SH3RF3: variants seen among roughly 807,000 people sequenced by gnomAD.
SH3RF3 encodes the protein SH3 domain containing ring finger 3, also known as E3 ubiquitin-protein ligase SH3RF3.
A neutral mutation model predicts 66.3 loss-of-function variants in SH3RF3; 29 were observed. That is an observed-to-expected ratio of 0.44 (90% CI 0.33 to 0.60). The LOEUF (loss-of-function observed/expected upper bound fraction) is 0.60, where lower values mean the gene tolerates loss of function less well. Ranked by LOEUF, SH3RF3 falls within the 20% of genes least tolerant of loss-of-function variation. The pLI is 0.04. For synonymous variants in SH3RF3, 583 were observed against 532.0 expected (o/e 1.10, Z -1.32); for missense variants, 1,194 against 1,190.9 (o/e 1.00, Z -0.04).
At chr2:109,227,011 A>G (rs999819263) in intron 1 of SH3RF3, among the ~76,000 whole-genome samples, 2 of 152,114 alleles carry the variant, frequency 1.3e-5, no homozygotes, top group Non-Finnish European at 2.9e-5. Context: ...GGTCCCACCA[A>G]GCTTTTCCAT....
At chr2:109,277,925 A>G (rs13402711) in intron 1 of SH3RF3, among the ~76,000 whole-genome samples, 6,104 of 151,926 alleles carry the variant, frequency 0.04, 409 homozygotes, top group African/African-American at 0.14. Context: ...CTATAATCCC[A>G]ACATTTTGGG....
At chr2:109,460,096 A>G (rs1678172292) in intron 8 of SH3RF3, among the ~76,000 whole-genome samples, 1 of 152,224 alleles carries the variant, frequency 6.6e-6, no homozygotes, top group East Asian at 1.9e-4. Context: ...AGTGAGTTCC[A>G]TGCACACGAG....
chr2:109,449,430 C>A lies in SH3RF3; in HGVS notation c.2089C>A (p.Leu697Met). The change falls in exon 8 of 10, where the codon CTG becomes ATG. Residue 697 changes from leucine to methionine, a missense_variant. Coordinates refer to ENST00000309415, the MANE Select transcript of SH3RF3 (RefSeq NM_001099289.3). ...GEAGGGPIGV[L>M]STSSPTNTGC... is the part of the protein sequence containing the mutation. ...GGCTGGAGGGGGGCCCATCGGTGTT[C>A]TGTCCACATCCAGCCCCACCAACAC... 4 of 1,614,004 alleles carry A rather than the reference C, an allele frequency of 2.5e-6. No individual in the cohort carries two copies. Among genetic ancestry groups the A allele is most frequent in the Non-Finnish European group, 3.4e-6 (4 of 1,179,870 alleles).
At chr2:109,220,062 G>A (rs1679196047) in intron 1 of SH3RF3, among the ~76,000 whole-genome samples, 1 of 152,172 alleles carries the variant, frequency 6.6e-6, no homozygotes. Context: ...TATGTTATTA[G>A]CATAAGGGAT....
chr2:109,254,609 C>T (rs1680175389), intron 1 of SH3RF3, among the ~76,000 whole-genome samples: 1 of 152,174 alleles, frequency 6.6e-6, no homozygotes, highest in African/African-American at 2.4e-5. Flanking sequence ...TCCCATGACC[C>T]CGTGAGAAGG....
chr2:109,295,704 A>G (rs1344383574), intron 1 of SH3RF3, among the ~76,000 whole-genome samples: 1 of 152,086 alleles, frequency 6.6e-6, no homozygotes, highest in East Asian at 1.9e-4. Flanking sequence ...TGGGGACATG[A>G]AGATCAGGGA....
intron 1 of SH3RF3, among the ~76,000 whole-genome samples, chr2:109,132,705 G>A (rs1026739483): frequency 1.3e-5 from 2 of 152,182 alleles, no homozygotes; most frequent in Non-Finnish European, 2.9e-5. Flanking sequence ...TGTTTTAATG[G>A]TACTGTCTAA....
rs1426200204 is a variant in SH3RF3, at chr2:109,503,880, A to G, written c.*2209A>G. ...GGCGAGGACACAGCCCACTGCATGCAGCATGGTAGAGAGCTGGGGCGAATA... is the reference window on the plus strand; with the variant it reads ...GGCGAGGACACAGCCCACTGCATGCGGCATGGTAGAGAGCTGGGGCGAATA... On this transcript the variant is annotated 3_prime_UTR_variant, in exon 10 of 10. Coordinates refer to ENST00000309415, the MANE Select transcript of SH3RF3 (RefSeq NM_001099289.3). 6.6e-6 allele frequency: 1 copy of G among 152,232 alleles called. No individual in the cohort carries two copies. The highest frequency in any genetic ancestry group is 1.5e-5 in the Non-Finnish European group (1 of 68,040). 9.4% of individuals were successfully genotyped at this position (152,232 alleles called of 1,614,324 possible).
At chr2:109,337,946 G>C (rs1472788247) in intron 1 of SH3RF3, among the ~76,000 whole-genome samples, 1 of 151,842 alleles carries the variant, frequency 6.6e-6, no homozygotes, top group African/African-American at 2.4e-5. Context: ...TACCCCGGCT[G>C]GTCTGGAACT....
intron 1 of SH3RF3, among the ~76,000 whole-genome samples, chr2:109,254,951 A>G (rs1192078663): frequency 3.3e-5 from 5 of 152,186 alleles, no homozygotes; most frequent in Admixed American, 2.0e-4. Flanking sequence ...CTGGAAGGAT[A>G]TTGAACACCT....
Position 109,129,379 on chromosome 2 carries a change from C to G in SH3RF3, c.-162C>G. On this transcript the variant is annotated 5_prime_UTR_variant, in exon 1 of 10. Coordinates refer to ENST00000309415, the MANE Select transcript of SH3RF3 (RefSeq NM_001099289.3). ...CCCGCCACGCAGGCCGGTCGGTGAG[C>G]CACTTCGCACCGCCACAGCCCTAGC... 4.3e-6 allele frequency: 5 copies of G among 1,163,698 alleles called. No individual in the cohort carries two copies. The highest frequency in any genetic ancestry group is 6.0e-6 in the Non-Finnish European group (5 of 830,160). 72.1% of individuals were successfully genotyped at this position (1,163,698 alleles called of 1,614,324 possible).
chr2:109,134,827 G>C (rs1248162449), intron 1 of SH3RF3, among the ~76,000 whole-genome samples: 2 of 152,190 alleles, frequency 1.3e-5, no homozygotes, highest in Non-Finnish European at 2.9e-5. Flanking sequence ...ATGCAAGGCT[G>C]CTGTCTTGTA....
intron 8 of SH3RF3, among the ~76,000 whole-genome samples, chr2:109,463,449 C>T (rs1678259874): frequency 6.6e-6 from 1 of 152,208 alleles, no homozygotes; most frequent in African/African-American, 2.4e-5. Context: ...AAGGTCCGGC[C>T]TGTGGAGAAG....
intron 1 of SH3RF3, among the ~76,000 whole-genome samples, chr2:109,172,818 C>T (rs1017219497): frequency 2.5e-4 from 38 of 152,352 alleles, no homozygotes; most frequent in African/African-American, 8.7e-4. Flanking sequence ...AGTGCCAGCA[C>T]GAAGCCTCGA....
At chr2:109,344,050 C>A (rs1682623846) in intron 1 of SH3RF3, among the ~76,000 whole-genome samples, 2 of 152,160 alleles carry the variant, frequency 1.3e-5, no homozygotes, top group African/African-American at 4.8e-5. Flanking sequence ...GTCCCCAGAT[C>A]CTTCTTTTGT....
At chr2:109,423,642 C>T (rs925390690) in intron 5 of SH3RF3, among the ~76,000 whole-genome samples, 1 of 152,182 alleles carries the variant, frequency 6.6e-6, no homozygotes, top group Non-Finnish European at 1.5e-5. Context: ...CCTGGATCAG[C>T]GAAATCACCG....
intron 1 of SH3RF3, among the ~76,000 whole-genome samples, chr2:109,296,844 C>T (rs140185456): frequency 6.6e-6 from 1 of 152,268 alleles, no homozygotes; most frequent in East Asian, 1.9e-4. Flanking sequence ...GCCCCCAAGG[C>T]GTCTCACCTC....
chr2:109,142,191 C>A (rs182535369), intron 1 of SH3RF3, among the ~76,000 whole-genome samples: 2 of 152,142 alleles, frequency 1.3e-5, no homozygotes, highest in Non-Finnish European at 2.9e-5. Context: ...GCCCCCTGGG[C>A]GGACTCTTGC....
chr2:109,137,757 C>T (rs986712703), intron 1 of SH3RF3, among the ~76,000 whole-genome samples: 1 of 152,234 alleles, frequency 6.6e-6, no homozygotes, highest in Non-Finnish European at 1.5e-5. Flanking sequence ...CCGTCCTGAT[C>T]AGCCGTTGTT....
Sources: allele counts gnomAD v4.1 joint callset (sites outside exome capture counted in the v4.1 genomes callset), GRCh38; gene constraint gnomAD v4.1.1; transcripts MANE v1.5; gene names NCBI Gene and HGNC (gene_info 2026-07-23, HGNC 2026-07-21).